ZNF618: variants seen among roughly 807,000 people sequenced by gnomAD.
The protein encoded by ZNF618 is zinc finger protein 618.
Under a neutral mutation model 103.0 loss-of-function variants are expected in ZNF618, and 34 were observed. The ratio of observed to expected loss-of-function variants is 0.33; its 90% confidence interval spans 0.25 to 0.44. The LOEUF (loss-of-function observed/expected upper bound fraction) is 0.44. Among genes scored for constraint, ZNF618 ranks in the 20% least tolerant of loss-of-function variants. The pLI is 1.00. For missense variants in ZNF618, 1,059 were observed against 1,295.4 expected (o/e 0.82, Z 2.80); for synonymous variants, 551 against 542.2 (o/e 1.02, Z -0.23).
At chr9:114,020,565 G>A (rs1315870346) in intron 10 of ZNF618, among the ~76,000 whole-genome samples, 1 of 152,034 alleles carries the variant, frequency 6.6e-6, no homozygotes, top group African/African-American at 2.4e-5. Context: ...TATGGTTTGT[G>A]ACACTACCAT....
chr9:113,990,415 A>G (rs1031847521), intron 3 of ZNF618, among the ~76,000 whole-genome samples: 1 of 152,152 alleles, frequency 6.6e-6, no homozygotes, highest in Non-Finnish European at 1.5e-5. Flanking sequence ...GGGAGTGGTA[A>G]TGTTGACACT....
At chr9:113,987,759 C>T (rs1296373821) in intron 2 of ZNF618, among the ~76,000 whole-genome samples, 7 of 152,184 alleles carry the variant, frequency 4.6e-5, no homozygotes, top group Non-Finnish European at 7.3e-5. Flanking sequence ...CTCGGGAGGC[C>T]GAGGTGGGAG....
At chr9:113,990,688 A>C (rs528282363) in intron 3 of ZNF618, among the ~76,000 whole-genome samples, 111 of 152,238 alleles carry the variant, frequency 7.3e-4, no homozygotes, top group African/African-American at 2.5e-3. Flanking sequence ...CCAGAGAGAG[A>C]GGTGTTAATT....
intron 1 of ZNF618, among the ~76,000 whole-genome samples, chr9:113,940,226 G>A (rs931432640): frequency 2.0e-5 from 3 of 152,022 alleles, no homozygotes; most frequent in Middle Eastern, 3.4e-3. Flanking sequence ...CAGGGAATAT[G>A]GCCTGTATAA....
At chr9:113,996,711 G>A (rs140702695) in intron 3 of ZNF618, among the ~76,000 whole-genome samples, 19 of 152,362 alleles carry the variant, frequency 1.2e-4, no homozygotes, top group East Asian at 5.8e-4. Flanking sequence ...GTGCTGGCAA[G>A]CCCTGCCAGC....
chr9:113,933,441 A>G (rs750605043), intron 1 of ZNF618, among the ~76,000 whole-genome samples: 2 of 152,252 alleles, frequency 1.3e-5, no homozygotes, highest in African/African-American at 2.4e-5. Flanking sequence ...CTGGGGCAGC[A>G]CGCAGGAAGA....
intron 1 of ZNF618, among the ~76,000 whole-genome samples, chr9:113,881,530 C>T (rs557061060): frequency 2.0e-5 from 3 of 152,250 alleles, no homozygotes; most frequent in South Asian, 4.1e-4. Context: ...CAGTCTTTTG[C>T]GGGGGTGCTA....
At chr9:113,932,913 C>T (rs117797248) in intron 1 of ZNF618, among the ~76,000 whole-genome samples, 1,828 of 152,276 alleles carry the variant, frequency 0.012, 21 homozygotes, top group Middle Eastern at 0.037. Flanking sequence ...GCTGGATCAT[C>T]TGCATATAGA....
At chr9:113,941,820 C>T (rs527830455) in intron 1 of ZNF618, among the ~76,000 whole-genome samples, 127 of 152,264 alleles carry the variant, frequency 8.3e-4, no homozygotes, top group African/African-American at 3.0e-3. Flanking sequence ...ATGAAAATTT[C>T]AGCCTTTTGT....
intron 6 of ZNF618, among the ~76,000 whole-genome samples, chr9:114,005,577 C>T (rs1020287447): frequency 9.2e-5 from 14 of 152,096 alleles, no homozygotes; most frequent in Non-Finnish European, 1.8e-4. Context: ...CGGCAGATGG[C>T]GGGTAGCAGT....
intron 10 of ZNF618, among the ~76,000 whole-genome samples, chr9:114,023,039 G>T (rs553937784): frequency 1.3e-5 from 2 of 152,086 alleles, no homozygotes; most frequent in South Asian, 4.1e-4. Flanking sequence ...TTTGAAGTAT[G>T]TATATATAGT....
chr9:113,920,695 C>G (rs985496540), intron 1 of ZNF618, among the ~76,000 whole-genome samples: 1 of 152,108 alleles, frequency 6.6e-6, no homozygotes, highest in Non-Finnish European at 1.5e-5. Flanking sequence ...AGCCACTGTG[C>G]GAGGCCAAGA....
chr9:114,048,081 T>C, intron 14 of ZNF618, 87 bp downstream of exon 14: 1 of 1,164,854 alleles, frequency 8.6e-7, no homozygotes, highest in Non-Finnish European at 1.2e-6. Context: ...CATTTGTGCT[T>C]CCTGTGATGT....
chr9:114,019,384 G>A (rs1842895407), intron 10 of ZNF618, among the ~76,000 whole-genome samples: 1 of 152,166 alleles, frequency 6.6e-6, no homozygotes, highest in Non-Finnish European at 1.5e-5. Context: ...GGGTCATGGG[G>A]AATAGTATGT....
chr9:114,048,962 C>T lies in ZNF618; in HGVS notation c.1660C>T (p.His554Tyr). 6.2e-7 allele frequency: 1 copy of T among 1,612,412 alleles called. No homozygotes were observed. The highest frequency in any genetic ancestry group is 8.5e-7 in the Non-Finnish European group (1 of 1,179,202). ...CTGCCTAGGCATCGGTGTCACCTGCCACTCCCAGAGTGTTGGCCCTGACTC... is the reference window on the plus strand; with the variant it reads ...CTGCCTAGGCATCGGTGTCACCTGCTACTCCCAGAGTGTTGGCCCTGACTC... ...NACLGIGVTC[H>Y]SQSVGPDSCY... Residue 554 changes from histidine (H) to tyrosine (Y), a missense_variant, in exon 15 of 15, where the codon CAC becomes TAC. Physicochemically the swap from His to Tyr is moderately conservative, Grantham distance 83. Transcript: ENST00000374126.
At chr9:114,002,940 T>C (rs1841387182) in intron 6 of ZNF618, among the ~76,000 whole-genome samples, 1 of 152,238 alleles carries the variant, frequency 6.6e-6, no homozygotes, top group South Asian at 2.1e-4. Context: ...TTGGGAGACC[T>C]TGAGTTTCAC....
intron 10 of ZNF618, among the ~76,000 whole-genome samples, chr9:114,025,633 G>C (rs1466929917): frequency 6.6e-6 from 1 of 152,168 alleles, no homozygotes; most frequent in African/African-American, 2.4e-5. Context: ...GAATGAGTCA[G>C]GAGCCTGGGA....
Position 113,998,373 on chromosome 9 carries a change from G to A in ZNF618, c.433+19G>A, listed in dbSNP as rs1244085052. On this transcript the variant is annotated intron_variant, in intron 4 of 14. Coordinates refer to ENST00000374126, the MANE Select transcript of ZNF618 (RefSeq NM_001318042.2). ...GCATCTGGTACGTGATGGCCAAGGG[G>A]TAGTGCCTGATCCGGGGCCAGTATG... The A allele has an allele frequency of 7.1e-6, 11 of 1,546,930 alleles. No homozygotes were observed. In the East Asian group the frequency reaches 2.4e-4, roughly 34 times the overall value.
At chr9:114,003,739 T>C (rs1402239489) in intron 6 of ZNF618, among the ~76,000 whole-genome samples, 2 of 152,242 alleles carry the variant, frequency 1.3e-5, no homozygotes, top group Non-Finnish European at 2.9e-5. Context: ...TGGGTGCTGG[T>C]TACCTGGGTG....
Sources: allele counts gnomAD v4.1 joint callset (sites outside exome capture counted in the v4.1 genomes callset), GRCh38; gene constraint gnomAD v4.1.1; transcripts MANE v1.5; gene names NCBI Gene and HGNC (gene_info 2026-07-23, HGNC 2026-07-21).